The following EZR variants were observed in gnomAD, a reference collection of about 807,000 sequenced individuals.
EZR encodes ezrin, also known as cytovillin 2.
In EZR, 40 loss-of-function variants were observed where a neutral mutation model predicts 74.8. The observed-to-expected ratio is 0.53, with a 90% confidence interval of 0.42 to 0.70. The LOEUF is 0.70. Ranked by LOEUF, EZR falls within the 30% of genes least tolerant of loss-of-function variation. The pLI is 0.00. For synonymous variants in EZR, 341 were observed against 283.3 expected, an observed-to-expected ratio of 1.20 and a Z score of -2.05; for missense variants, 678 against 755.8, an observed-to-expected ratio of 0.90 and a Z score of 1.21.
At chr6:158,805,898 G>C (rs191306654) in intron 2 of EZR, among the ~76,000 whole-genome samples, 1 of 152,234 alleles carries the variant, frequency 6.6e-6, no homozygotes, top group African/African-American at 2.4e-5. Flanking sequence ...TATGTAGATT[G>C]ATCTCTTAAA....
In EZR at chr6:158,769,817, C is replaced by T. The variant is rs2128564762; in HGVS notation, c.1218G>A (p.Gln406=). The T allele has an allele frequency of 6.2e-7, 1 of 1,614,060 alleles. No homozygotes were observed. Among genetic ancestry groups the T allele is most frequent in the Non-Finnish European group, 8.5e-7 (1 of 1,180,042 alleles). Reference sequence around the variant, plus strand: ...CCTGGCTCTTTATCTGATCCACCGCCTGTCTCTCCAGCTCCTCCTTAGCCC... The same window carrying T: ...CCTGGCTCTTTATCTGATCCACCGCTTGTCTCTCCAGCTCCTCCTTAGCCC... ...ALRAKEELER[Q]AVDQIKSQEQ... is the part of the protein sequence containing the mutation. Residue 406 remains glutamine, a synonymous_variant, in exon 11 of 14, where the codon CAG becomes CAA. Coordinates refer to ENST00000367075, the MANE Select transcript of EZR (RefSeq NM_001111077.2).
rs1010291569 is a variant in EZR, at chr6:158,790,987, T to A, written c.13-1616A>T. Among the ~76,000 whole-genome samples, 34 of 152,210 alleles carry A rather than the reference T, an allele frequency of 2.2e-4. 1 individual carries two copies. The highest frequency in any genetic ancestry group is 4.4e-4 in the Non-Finnish European group (30 of 68,032). ...TAAGGACGTATTACCTGTGCCAGTA[T>A]ATGGCGACAGAGGTTTCGTTATCCA... On this transcript the variant is annotated intron_variant, in intron 2 of 13. Transcript: ENST00000367075.
intron 2 of EZR, among the ~76,000 whole-genome samples, chr6:158,801,105 G>A (rs2128573918): frequency 6.6e-6 from 1 of 152,224 alleles, no homozygotes; most frequent in Non-Finnish European, 1.5e-5. Context: ...ACCACACTGG[G>A]TAACAGAACC....
intron 8 of EZR, among the ~76,000 whole-genome samples, chr6:158,774,389 T>C (rs1026038230): frequency 5.9e-5 from 9 of 152,176 alleles, no homozygotes; most frequent in African/African-American, 2.2e-4. Context: ...GCTGTACTGT[T>C]AAATTTACTA....
At chr6:158,783,467 G>T in intron 7 of EZR, 53 bp downstream of exon 7, 24 of 1,506,498 alleles carry the variant, frequency 1.6e-5, no homozygotes, top group East Asian at 2.3e-5. Flanking sequence ...TTTTGCCATT[G>T]TTTCCAGGCC....
intron 2 of EZR, among the ~76,000 whole-genome samples, chr6:158,799,061 TCA>T (rs1478909206): frequency 1.2e-4 from 19 of 152,198 alleles, no homozygotes; most frequent in African/African-American, 4.6e-4. Context: ...TCACGGCTGC[TCA>T]CAAAAACATG....
At position 158,766,983 on chromosome 6, in the gene EZR, C is replaced by T. The variant is rs2128563256; in HGVS notation, c.1692G>A (p.Lys564=). Residue 564 remains lysine, a synonymous_variant, in exon 14 of 14, where the codon AAG becomes AAA. Transcript: ENST00000367075. ...GCCGGATCTGCCGCAGCGTCTTGTA[C>T]TTGTCCCGGCCTTGCCTCATGTTCT... ...HNENMRQGRD[K]YKTLRQIRQG... 1 of 1,614,238 alleles carries T rather than the reference C, an allele frequency of 6.2e-7. No individual in the cohort carries two copies.
intron 12 of EZR, among the ~76,000 whole-genome samples, chr6:158,768,188 T>C (rs1157148952): frequency 1.3e-5 from 2 of 151,978 alleles, no homozygotes; most frequent in Non-Finnish European, 2.9e-5. Context: ...GGGTGGGTTC[T>C]GAGCAAGAGC....
intron 11 of EZR, 116 bp from the exon 12 acceptor site, chr6:158,769,534 GCCACCCCCA>G (rs1791029731): frequency 2.7e-6 from 3 of 1,107,350 alleles, no homozygotes; most frequent in Admixed American, 2.0e-5. Flanking sequence ...CTGAGTCCCC[GCCACCCCCA>G]CTCCATGGCC....
intron 2 of EZR, among the ~76,000 whole-genome samples, chr6:158,796,974 T>C (rs1384489262): frequency 6.6e-6 from 1 of 152,232 alleles, no homozygotes; most frequent in African/African-American, 2.4e-5. Flanking sequence ...GACAATCAAA[T>C]TTTGTATTTT....
rs1442550749 is a variant in EZR at position 158,789,266 on chromosome 6, ACT to A, written c.96+20_96+21del. 3 of 1,592,872 alleles carry A rather than the reference ACT, an allele frequency of 1.9e-6. No homozygotes were observed. The highest frequency in any genetic ancestry group is 2.2e-5 in the South Asian group (2 of 89,264). On this transcript the variant is annotated intron_variant, in intron 3 of 13. Transcript: ENST00000367075. ...CAGTTTTTTTTTGTAGGTGGAGTTA[ACT>A]CTCAAGTTCAGAGACCAACCTGATC... is the stretch of plus-strand genomic sequence containing the variant.
At chr6:158,773,875 C>T (rs985493523) in intron 8 of EZR, among the ~76,000 whole-genome samples, 2 of 152,226 alleles carry the variant, frequency 1.3e-5, no homozygotes, top group African/African-American at 4.8e-5. Context: ...AAAAGGCAGC[C>T]GCCTCAGCCC....
At chr6:158,813,243 C>T (rs907250789) in intron 2 of EZR, among the ~76,000 whole-genome samples, 1 of 152,204 alleles carries the variant, frequency 6.6e-6, no homozygotes, top group African/African-American at 2.4e-5. Context: ...GTCACGTCCT[C>T]AAGGATGCCT....
At chr6:158,786,394 C>CA (rs1241653420) in intron 4 of EZR, among the ~76,000 whole-genome samples, 12 of 152,168 alleles carry the variant, frequency 7.9e-5, no homozygotes, top group African/African-American at 2.9e-4. Context: ...CAACAAAAAA[C>CA]AAACAAGTAC....
In EZR at chr6:158,803,160, T is replaced by C. The variant is rs572098828; in HGVS notation, c.13-13789A>G. Among the ~76,000 whole-genome samples, 263 of 151,436 alleles carry C rather than the reference T, an allele frequency of 1.7e-3. 2 individuals carry two copies. The highest frequency in any genetic ancestry group is 6.0e-3 in the African/African-American group (246 of 40,982). ...CAGCAGACGTTAACAGGGCAGAGTATTGACACAGAAGTGGGGGCTGGGAAT... is the reference window on the plus strand; with the variant it reads ...CAGCAGACGTTAACAGGGCAGAGTACTGACACAGAAGTGGGGGCTGGGAAT... On this transcript the variant is annotated intron_variant, in intron 2 of 13. Coordinates refer to ENST00000367075, the MANE Select transcript of EZR (RefSeq NM_001111077.2).
At chr6:158,781,789 G>C (rs540916619) in intron 7 of EZR, among the ~76,000 whole-genome samples, 1 of 151,752 alleles carries the variant, frequency 6.6e-6, no homozygotes, top group East Asian at 1.9e-4. Context: ...TTTGAGACAC[G>C]GTCTCGCTCT....
At chr6:158,777,196 G>A (rs958458295) in intron 7 of EZR, among the ~76,000 whole-genome samples, 2 of 152,176 alleles carry the variant, frequency 1.3e-5, no homozygotes, top group South Asian at 2.1e-4. Context: ...GTTCCTAGAC[G>A]TGCCATACTC....
At position 158,818,137 on chromosome 6, in the gene EZR, A is replaced by G. The variant is rs1176592063; in HGVS notation, c.-44T>C. ...ATCCTCGATCCCCGAAAACACGACT[A>G]TCCAGCAGCAGCGAAGACGCTGTCC... On this transcript the variant is annotated 5_prime_UTR_variant, in exon 2 of 14. Coordinates refer to ENST00000367075, the MANE Select transcript of EZR (RefSeq NM_001111077.2). 8 of 1,604,744 alleles carry G rather than the reference A, an allele frequency of 5.0e-6. No individual in the cohort carries two copies. Among genetic ancestry groups the G allele is most frequent in the Non-Finnish European group, 5.1e-6 (6 of 1,173,968 alleles).
intron 2 of EZR, among the ~76,000 whole-genome samples, chr6:158,811,875 C>CA (rs58499377): frequency 3.1e-3 from 431 of 140,734 alleles, no homozygotes; most frequent in South Asian, 7.5e-3. Context: ...ACCCTGTTTC[C>CA]AAAAAAAAAA....
Sources: gnomAD v4.1 joint callset for allele counts (sites outside exome capture counted in the v4.1 genomes callset) on GRCh38, gnomAD v4.1.1 for gene constraint, MANE v1.5 for transcripts, NCBI Gene and HGNC (gene_info 2026-07-23, HGNC 2026-07-21) for gene names.